The following TASP1 variants were observed in gnomAD, a reference collection of about 807,000 sequenced individuals.
TASP1 encodes the protein taspase 1, also known as threonine aspartase 1.
A neutral mutation model predicts 56.6 loss-of-function variants in TASP1; 16 were observed. The ratio of observed to expected loss-of-function variants is 0.28; its 90% CI spans 0.19 to 0.43. The LOEUF is 0.43. Among genes scored for constraint, TASP1 ranks in the 20% least tolerant of loss-of-function variants. The probability of loss-of-function intolerance (pLI) is 1.00; values close to 1 mark genes in which losing one functional copy is unlikely to be tolerated. For missense variants in TASP1, 393 were observed against 511.6 expected, an observed-to-expected ratio of 0.77 and a Z score of 2.24; for synonymous variants, 179 against 184.2, an observed-to-expected ratio of 0.97 and a Z score of 0.23.
the TASP1 span, among the ~76,000 whole-genome samples, chr20:13,197,938 G>C: frequency 6.6e-6 from 1 of 152,152 alleles, no homozygotes. Flanking sequence ...AAAAAGAAGA[G>C]TGTCATTTTT....
chr20:13,402,918 A>G (rs931248392), intron 13 of TASP1, among the ~76,000 whole-genome samples: 1 of 152,232 alleles, frequency 6.6e-6, no homozygotes, highest in Non-Finnish European at 1.5e-5. Flanking sequence ...TAACACAGCT[A>G]GTAAGGAATA....
At chr20:13,228,355 T>C in the TASP1 span, among the ~76,000 whole-genome samples, 4 of 144,906 alleles carry the variant, frequency 2.8e-5, no homozygotes, top group Non-Finnish European at 5.9e-5. Flanking sequence ...GAGAATTTAT[T>C]AATTATAAAC....
chr20:13,555,646 C>T (rs1455948815), intron 8 of TASP1, among the ~76,000 whole-genome samples: 2 of 152,134 alleles, frequency 1.3e-5, no homozygotes, highest in African/African-American at 4.8e-5. Context: ...CCCTCAAAGT[C>T]ATCCATGAGG....
chr20:13,267,307 G>C, the TASP1 span, among the ~76,000 whole-genome samples: 1 of 152,180 alleles, frequency 6.6e-6, no homozygotes, highest in East Asian at 1.9e-4. Flanking sequence ...GCCTGTGTCT[G>C]GGGGGCAGGG....
the TASP1 span, among the ~76,000 whole-genome samples, chr20:13,325,607 C>A: frequency 6.6e-6 from 1 of 152,306 alleles, no homozygotes; most frequent in East Asian, 1.9e-4. Flanking sequence ...ACCCTGTGTT[C>A]CCTTCGGAAG....
At chr20:13,172,077 G>T in the TASP1 span, among the ~76,000 whole-genome samples, 1 of 151,920 alleles carries the variant, frequency 6.6e-6, no homozygotes, top group African/African-American at 2.4e-5. Context: ...GAGAAAAAAT[G>T]TAAAACGACA....
the TASP1 span, among the ~76,000 whole-genome samples, chr20:13,323,007 C>T: frequency 6.6e-6 from 1 of 152,076 alleles, no homozygotes; most frequent in African/African-American, 2.4e-5. Flanking sequence ...AGGCAGAAAA[C>T]GCCACAGTCC....
rs771250487 is a variant in TASP1, at chr20:13,435,168, A to C, written c.986-14T>G. ...GGAAAGGTGAACCTAGGCAGAAAGG[A>C]CTAGTAGTTATTTTTCAGTGAATTT... On this transcript the variant is annotated splice_polypyrimidine_tract_variant and intron_variant, in intron 11 of 13. Transcript: ENST00000337743. The C allele has an allele frequency of 6.5e-7, 1 of 1,536,348 alleles. No homozygotes were observed. Among genetic ancestry groups the C allele is most frequent in the Non-Finnish European group, 8.8e-7 (1 of 1,136,062 alleles).
the TASP1 span, among the ~76,000 whole-genome samples, chr20:13,229,548 A>C: frequency 6.6e-6 from 1 of 152,194 alleles, no homozygotes; most frequent in Non-Finnish European, 1.5e-5. Flanking sequence ...TAACTCTATC[A>C]CAATTTGTAT....
intron 1 of TASP1, among the ~76,000 whole-genome samples, chr20:13,637,917 G>T (rs959121109): frequency 6.6e-6 from 1 of 152,180 alleles, no homozygotes; most frequent in Non-Finnish European, 1.5e-5. Context: ...ACTTTCTCAA[G>T]AGGAAAAAAG....
the TASP1 span, among the ~76,000 whole-genome samples, chr20:13,207,978 G>GA: frequency 7.3e-3 from 1,085 of 147,718 alleles, 15 homozygotes; most frequent in African/African-American, 0.024. Context: ...ATCTTGAAGG[G>GA]AAAAAAAAAA....
chr20:13,272,277 T>C, the TASP1 span, among the ~76,000 whole-genome samples: 1 of 152,318 alleles, frequency 6.6e-6, no homozygotes, highest in South Asian at 2.1e-4. Context: ...TTAGATCAGG[T>C]TTCGTTGACC....
At chr20:13,343,070 G>C in the TASP1 span, among the ~76,000 whole-genome samples, 1 of 152,212 alleles carries the variant, frequency 6.6e-6, no homozygotes, top group Non-Finnish European at 1.5e-5. Context: ...AAGGCTCCGA[G>C]AAGGGTCCTG....
At chr20:13,570,003 G>A (rs1356116050) in intron 6 of TASP1, among the ~76,000 whole-genome samples, 2 of 152,004 alleles carry the variant, frequency 1.3e-5, no homozygotes, top group Non-Finnish European at 2.9e-5. Context: ...AGAATACCTG[G>A]ATCCATCCAA....
At chr20:13,152,394 G>A in the TASP1 span, among the ~76,000 whole-genome samples, 1 of 152,236 alleles carries the variant, frequency 6.6e-6, no homozygotes, top group East Asian at 1.9e-4. Context: ...GACACATTTG[G>A]TTATAAGAGG....
At chr20:13,196,192 C>T in the TASP1 span, among the ~76,000 whole-genome samples, 6 of 152,176 alleles carry the variant, frequency 3.9e-5, no homozygotes, top group Admixed American at 3.9e-4. Context: ...ATTAAACTGA[C>T]CATTTCAAGC....
At chr20:13,585,707 A>G (rs1336618858) in intron 5 of TASP1, among the ~76,000 whole-genome samples, 1 of 152,196 alleles carries the variant, frequency 6.6e-6, no homozygotes, top group Non-Finnish European at 1.5e-5. Context: ...ACAATTAACA[A>G]TACCAAAAAT....
the TASP1 span, among the ~76,000 whole-genome samples, chr20:13,343,530 G>C: frequency 1.3e-5 from 2 of 152,112 alleles, no homozygotes; most frequent in Non-Finnish European, 2.9e-5. Flanking sequence ...TGCAGGCTGC[G>C]GTTCCACCGC....
intron 11 of TASP1, among the ~76,000 whole-genome samples, chr20:13,437,924 G>A (rs372000988): frequency 6.6e-6 from 1 of 152,158 alleles, no homozygotes; most frequent in Non-Finnish European, 1.5e-5. Flanking sequence ...CATGAAAATG[G>A]CCATACTGCC....
Sources: gnomAD v4.1 joint callset for allele counts (sites outside exome capture counted in the v4.1 genomes callset) on GRCh38, gnomAD v4.1.1 for gene constraint, MANE v1.5 for transcripts, NCBI Gene and HGNC (gene_info 2026-07-23, HGNC 2026-07-21) for gene names.